Variants in KCNH5 observed in about 807,000 individuals in gnomAD.
KCNH5 encodes potassium voltage-gated channel subfamily H member 5.
Under a neutral mutation model 96.1 loss-of-function variants are expected in KCNH5, and 46 were observed. The observed-to-expected ratio is 0.48, with a 90% CI of 0.38 to 0.61. KCNH5 has a LOEUF of 0.61. Among genes scored for constraint, KCNH5 ranks in the 20% least tolerant of loss-of-function variants. The probability of loss-of-function intolerance (pLI) is 0.00; values close to 1 mark genes in which losing one functional copy is unlikely to be tolerated. For missense variants in KCNH5, 907 were observed against 1,225.8 expected, an observed-to-expected ratio of 0.74 and a Z score of 3.88; for synonymous variants, 439 against 449.8, an observed-to-expected ratio of 0.98 and a Z score of 0.30.
chr14:62,810,866 C>T lies in KCNH5; in HGVS notation c.1570-8285G>A, dbSNP rs117427380. 1.2e-3 allele frequency among the ~76,000 whole-genome samples: 187 copies of T among 152,132 alleles called. 1 individual carries two copies. Among genetic ancestry groups the T allele is most frequent in the Non-Finnish European group, 2.3e-3 (157 of 67,996 alleles). On this transcript the variant is annotated intron_variant, in intron 8 of 10. Coordinates refer to ENST00000322893, the MANE Select transcript of KCNH5 (RefSeq NM_139318.5). ...TAAGTCACAGTTTGTAATGTGGACT[C>T]GCCCTGAATTCTTTCTTGCATGAGA...
chr14:62,933,341 T>A (rs1314300911), intron 7 of KCNH5, among the ~76,000 whole-genome samples: 1 of 152,132 alleles, frequency 6.6e-6, no homozygotes, highest in Non-Finnish European at 1.5e-5. Context: ...CAGTTGTAAA[T>A]AGCATATACC....
At chr14:62,750,569 CT>C (rs1885476159) in intron 10 of KCNH5, among the ~76,000 whole-genome samples, 2 of 152,166 alleles carry the variant, frequency 1.3e-5, no homozygotes, top group Admixed American at 1.3e-4. Context: ...TTAGAGTCTC[CT>C]TTTTGACGTC....
chr14:62,928,678 T>G (rs1252145411), intron 7 of KCNH5, among the ~76,000 whole-genome samples: 1 of 152,064 alleles, frequency 6.6e-6, no homozygotes, highest in Non-Finnish European at 1.5e-5. Flanking sequence ...TTCCCAGATT[T>G]TGTCTTGATT....
chr14:62,911,931 G>A (rs1280407423), intron 7 of KCNH5, among the ~76,000 whole-genome samples: 9 of 150,856 alleles, frequency 6.0e-5, no homozygotes, highest in Admixed American at 4.0e-4. Context: ...GCAGCTACTC[G>A]AGAGGCTGAG....
intron 10 of KCNH5, among the ~76,000 whole-genome samples, chr14:62,750,020 C>A (rs908628773): frequency 1.3e-5 from 2 of 152,090 alleles, no homozygotes; most frequent in Non-Finnish European, 2.9e-5. Context: ...AAGCCTTGAT[C>A]CAACCCCAAC....
chr14:62,762,241 G>A (rs1885766933), intron 10 of KCNH5, among the ~76,000 whole-genome samples: 1 of 152,072 alleles, frequency 6.6e-6, no homozygotes, highest in Non-Finnish European at 1.5e-5. Context: ...TGTCACACCT[G>A]GACAGAGCAA....
At chr14:62,867,479 A>G (rs901367045) in intron 7 of KCNH5, among the ~76,000 whole-genome samples, 3 of 152,188 alleles carry the variant, frequency 2.0e-5, no homozygotes, top group African/African-American at 7.2e-5. Context: ...AAAAAATCAT[A>G]ATTATGACCA....
chr14:62,890,017 C>G (rs1888673509), intron 7 of KCNH5, among the ~76,000 whole-genome samples: 1 of 152,154 alleles, frequency 6.6e-6, no homozygotes, highest in Non-Finnish European at 1.5e-5. Flanking sequence ...GCTGGGAGAA[C>G]TGGCTAGCCA....
At chr14:62,924,348 G>C (rs1463334938) in intron 7 of KCNH5, among the ~76,000 whole-genome samples, 3 of 151,728 alleles carry the variant, frequency 2.0e-5, no homozygotes, top group Non-Finnish European at 4.4e-5. Flanking sequence ...TGAAGAAAAG[G>C]GACCACTTAT....
Position 62,981,232 on chromosome 14 carries a change from C to T in KCNH5, c.582G>A (p.Gln194=). The T allele has an allele frequency of 6.2e-7, 1 of 1,614,062 alleles. No individual in the cohort carries two copies. The highest frequency in any genetic ancestry group is 1.7e-4 in the Middle Eastern group (1 of 6,060). Residue 194 remains glutamine, a synonymous_variant, in exon 6 of 11, where the codon CAG becomes CAA. Coordinates refer to ENST00000322893, the MANE Select transcript of KCNH5 (RefSeq NM_139318.5). ...GCGTCTTTGGCGCTTCTTGTTTATA[C>T]TGAGGAAGGATATCTGATCCCAGCT... ...VLQLGSDILP[Q]YKQEAPKTPP...
intron 8 of KCNH5, among the ~76,000 whole-genome samples, chr14:62,818,380 A>C (rs1320932797): frequency 1.3e-5 from 2 of 152,202 alleles, no homozygotes; most frequent in African/African-American, 2.4e-5. Context: ...ATAAAGCAGA[A>C]AAATAAAAAA....
intron 6 of KCNH5, among the ~76,000 whole-genome samples, chr14:62,967,713 T>C (rs1890329600): frequency 6.6e-6 from 1 of 152,136 alleles, no homozygotes; most frequent in Non-Finnish European, 1.5e-5. Context: ...AACTATGATT[T>C]CTCAAGCATG....
intron 10 of KCNH5, among the ~76,000 whole-genome samples, chr14:62,739,127 TG>T (rs1291870664): frequency 6.6e-6 from 1 of 152,170 alleles, no homozygotes; most frequent in Non-Finnish European, 1.5e-5. Context: ...ATCCCAAATA[TG>T]TGAACATTAA....
At chr14:62,902,498 A>G (rs2140094141) in intron 7 of KCNH5, among the ~76,000 whole-genome samples, 1 of 152,268 alleles carries the variant, frequency 6.6e-6, no homozygotes, top group South Asian at 2.1e-4. Context: ...ATATAAAATA[A>G]TGCTTAGACA....
At chr14:62,826,397 T>C (rs1373775710) in intron 8 of KCNH5, among the ~76,000 whole-genome samples, 1 of 124,160 alleles carries the variant, frequency 8.1e-6, no homozygotes, top group Non-Finnish European at 1.6e-5. Context: ...TGTGTGTGTG[T>C]GCGTGCGTGC....
rs139984926 is a variant in KCNH5, at chr14:62,790,960, T to G, written c.1823-11036A>C. ...TTTTTTCTTTCTGTTTTAAATGCCT[T>G]TCATTTATTTTTCTTGTCTGATTGC... On this transcript the variant is annotated intron_variant, in intron 9 of 10. Coordinates refer to ENST00000322893, the MANE Select transcript of KCNH5 (RefSeq NM_139318.5). Among the ~76,000 whole-genome samples, 15 of 151,972 alleles carry G rather than the reference T, an allele frequency of 9.9e-5. No individual in the cohort carries two copies. The East Asian group carries it at 2.3e-3, about 23-fold the overall frequency.
chr14:62,953,154 T>C (rs912469758), intron 6 of KCNH5, among the ~76,000 whole-genome samples: 70 of 151,526 alleles, frequency 4.6e-4, no homozygotes, highest in African/African-American at 1.6e-3. Context: ...TTGATATATA[T>C]ACATAAAGTA....
chr14:62,909,341 G>A (rs1014301901), intron 7 of KCNH5, among the ~76,000 whole-genome samples: 1 of 151,990 alleles, frequency 6.6e-6, no homozygotes, highest in Admixed American at 6.6e-5. Context: ...CACCGCGCCC[G>A]GCCTATGCTA....
intron 7 of KCNH5, among the ~76,000 whole-genome samples, chr14:62,901,064 A>G (rs966651519): frequency 3.9e-5 from 6 of 151,908 alleles, no homozygotes; most frequent in African/African-American, 1.5e-4. Context: ...TCTCGGCTCA[A>G]TACAACCTCC....
Sources: allele counts gnomAD v4.1 joint callset (sites outside exome capture counted in the v4.1 genomes callset), GRCh38; gene constraint gnomAD v4.1.1; transcripts MANE v1.5; gene names NCBI Gene and HGNC (gene_info 2026-07-23, HGNC 2026-07-21).